Variants in L3MBTL4 observed in about 807,000 individuals in gnomAD.
The protein encoded by L3MBTL4 is lethal(3)malignant brain tumor-like protein 4.
Under a neutral mutation model 84.5 loss-of-function variants are expected in L3MBTL4, and 70 were observed. The observed-to-expected ratio is 0.83, with a 90% CI of 0.68 to 1.01. L3MBTL4 has a LOEUF of 1.01. L3MBTL4 is among the 50% of genes least tolerant of loss of function. The pLI, the probability that L3MBTL4 is intolerant of heterozygous loss-of-function variation, is 0.00. For missense variants in L3MBTL4, 715 were observed against 754.8 expected (o/e 0.95, Z 0.62); for synonymous variants, 274 against 259.8 (o/e 1.05, Z -0.52).
chr18:6,035,823 G>T (rs993324871), intron 16 of L3MBTL4, among the ~76,000 whole-genome samples: 26 of 152,106 alleles, frequency 1.7e-4, no homozygotes, highest in African/African-American at 6.0e-4. Flanking sequence ...AGCACTAAAT[G>T]CCCACAAGAG....
chr18:6,375,545 A>G (rs2054329652), intron 1 of L3MBTL4, among the ~76,000 whole-genome samples: 2 of 152,124 alleles, frequency 1.3e-5, no homozygotes, highest in South Asian at 4.1e-4. Context: ...TTCCACAGCC[A>G]GCGCTTCCCT....
At chr18:6,180,393 C>T (rs1355709698) in intron 12 of L3MBTL4, among the ~76,000 whole-genome samples, 1 of 152,076 alleles carries the variant, frequency 6.6e-6, no homozygotes, top group Non-Finnish European at 1.5e-5. Flanking sequence ...GCCTGAAGTG[C>T]TGTTCTGTGG....
intron 15 of L3MBTL4, among the ~76,000 whole-genome samples, chr18:6,092,935 T>C (rs16949405): frequency 0.034 from 5,147 of 152,306 alleles, 129 homozygotes; most frequent in Admixed American, 0.06. Context: ...GTATTAAAGA[T>C]GACAAAGACA....
chr18:6,282,753 C>A (rs2049378885), intron 4 of L3MBTL4, among the ~76,000 whole-genome samples: 2 of 152,064 alleles, frequency 1.3e-5, no homozygotes, highest in East Asian at 3.9e-4. Flanking sequence ...GCATTGTGCA[C>A]CTGGATTAGG....
At chr18:6,099,564 TATAG>T (rs1180317712) in intron 14 of L3MBTL4, among the ~76,000 whole-genome samples, 3 of 59,810 alleles carry the variant, frequency 5.0e-5, no homozygotes, top group Non-Finnish European at 1.3e-4. Context: ...TTTATATATC[TATAG>T]ATAGATAGAT....
intron 10 of L3MBTL4, among the ~76,000 whole-genome samples, chr18:6,226,486 G>A (rs1196880257): frequency 3.9e-5 from 6 of 152,084 alleles, no homozygotes; most frequent in East Asian, 3.9e-4. Flanking sequence ...CAGCCTTTAC[G>A]AGATATAGAA....
chr18:6,405,196 C>A (rs371650055), intron 1 of L3MBTL4, among the ~76,000 whole-genome samples: 3 of 152,298 alleles, frequency 2.0e-5, no homozygotes, highest in East Asian at 3.9e-4. Context: ...TGAAACAGAT[C>A]TTTCTTTTGT....
intron 4 of L3MBTL4, among the ~76,000 whole-genome samples, chr18:6,295,340 C>CTATATATATATATA (rs1477775190): frequency 8.1e-6 from 1 of 122,716 alleles, no homozygotes; most frequent in Admixed American, 8.2e-5. Flanking sequence ...CTCTCTCTCT[C>CTATATATATATATA]TCTCTCTATA....
chr18:6,108,090 A>C (rs1022457197), intron 14 of L3MBTL4, among the ~76,000 whole-genome samples: 22 of 152,146 alleles, frequency 1.4e-4, no homozygotes, highest in African/African-American at 5.3e-4. Context: ...TAATTTGAGC[A>C]AGGAGACTCT....
chr18:6,063,601 A>T (rs2057307558), intron 16 of L3MBTL4, among the ~76,000 whole-genome samples: 2 of 151,648 alleles, frequency 1.3e-5, no homozygotes, highest in African/African-American at 4.8e-5. Context: ...TTCCCTGATG[A>T]TTAGTGATAT....
At chr18:6,152,506 T>C (rs1215794532) in intron 13 of L3MBTL4, among the ~76,000 whole-genome samples, 3 of 152,200 alleles carry the variant, frequency 2.0e-5, no homozygotes, top group Non-Finnish European at 4.4e-5. Flanking sequence ...CACCTTTTCA[T>C]ACAGCTATGG....
chr18:6,371,635 ATTG>A (rs1269607373), intron 1 of L3MBTL4, among the ~76,000 whole-genome samples: 4 of 152,206 alleles, frequency 2.6e-5, no homozygotes, highest in African/African-American at 7.2e-5. Context: ...ATGTTACTGA[ATTG>A]TTAAGGCAGG....
chr18:6,041,333 GTC>G (rs1696479909), intron 16 of L3MBTL4, among the ~76,000 whole-genome samples: 1 of 152,152 alleles, frequency 6.6e-6, no homozygotes. Context: ...CTGCCATCTC[GTC>G]TTCACCAACT....
At chr18:6,311,948 C>T (rs111292421) in intron 2 of L3MBTL4, 50 bp downstream of exon 2, 4 of 260,354 alleles carry the variant, frequency 1.5e-5, no homozygotes, top group African/African-American at 4.5e-5. Context: ...CTTAGCTGAC[C>T]TAACCAATTA....
intron 1 of L3MBTL4, among the ~76,000 whole-genome samples, chr18:6,324,543 T>C (rs184820746): frequency 6.6e-6 from 1 of 152,348 alleles, no homozygotes; most frequent in Non-Finnish European, 1.5e-5. Flanking sequence ...CTTTGACCAA[T>C]GGCAGATGCA....
At chr18:6,282,810 C>A (rs73385986) in intron 4 of L3MBTL4, among the ~76,000 whole-genome samples, 26,802 of 151,890 alleles carry the variant, frequency 0.18, 2,401 homozygotes, top group East Asian at 0.23. Flanking sequence ...AGTCCAAGCA[C>A]GGGGTGACAG....
chr18:6,077,921 C>T (rs890126299), intron 16 of L3MBTL4, among the ~76,000 whole-genome samples: 3 of 151,802 alleles, frequency 2.0e-5, no homozygotes, highest in African/African-American at 4.8e-5. Flanking sequence ...TCCAGCTACT[C>T]GGGAGGCTGA....
At chr18:6,287,065 A>C (rs1208763992) in intron 4 of L3MBTL4, among the ~76,000 whole-genome samples, 1 of 152,106 alleles carries the variant, frequency 6.6e-6, no homozygotes. Flanking sequence ...CCTGCATATT[A>C]ATTTGACTTT....
At chr18:6,306,896 A>C (rs1219703998) in intron 3 of L3MBTL4, among the ~76,000 whole-genome samples, 1 of 152,138 alleles carries the variant, frequency 6.6e-6, no homozygotes, top group Non-Finnish European at 1.5e-5. Flanking sequence ...TAAAGAATAA[A>C]ACCTGAATCT....
Sources: allele counts gnomAD v4.1 joint callset (sites outside exome capture counted in the v4.1 genomes callset), GRCh38; gene constraint gnomAD v4.1.1; transcripts MANE v1.5; gene names NCBI Gene and HGNC (gene_info 2026-07-23, HGNC 2026-07-21).